Variants in DGCR2 observed in about 807,000 individuals in gnomAD.
The protein encoded by DGCR2 is integral membrane protein DGCR2/IDD.
DGCR2 carries 24 observed loss-of-function variants against 51.6 expected under a neutral mutation model. That is an observed-to-expected ratio of 0.47 (90% CI 0.34 to 0.65). DGCR2 has a LOEUF of 0.65. Ranked by LOEUF, DGCR2 falls within the 30% of genes least tolerant of loss-of-function variation. The pLI is 0.01. For synonymous variants in DGCR2, 340 were observed against 315.4 expected, an observed-to-expected ratio of 1.08 and a Z score of -0.82; for missense variants, 765 against 772.1, an observed-to-expected ratio of 0.99 and a Z score of 0.11.
At chr22:19,075,245 G>A (rs547161608) in intron 2 of DGCR2, among the ~76,000 whole-genome samples, 6 of 152,038 alleles carry the variant, frequency 3.9e-5, no homozygotes, top group East Asian at 3.9e-4. Context: ...GGCTAACACA[G>A]TGAAACCCCA....
chr22:19,103,054 C>G (rs2083220889), intron 1 of DGCR2, among the ~76,000 whole-genome samples: 1 of 151,970 alleles, frequency 6.6e-6, no homozygotes, highest in Non-Finnish European at 1.5e-5. Context: ...TATATCTTAC[C>G]ACAATTTAAA....
chr22:19,068,063 T>C (rs1319803938), intron 3 of DGCR2, 37 bp downstream of exon 3: 2 of 1,515,364 alleles, frequency 1.3e-6, no homozygotes, highest in Non-Finnish European at 1.8e-6. Flanking sequence ...AGGCTTGCAC[T>C]CCCCAGTGTC....
In DGCR2 at chr22:19,092,767, A is replaced by T. The variant is rs2083092599; in HGVS notation, c.80-3277T>A. Among the ~76,000 whole-genome samples the T allele has an allele frequency of 3.3e-5, 5 of 152,362 alleles. No homozygotes were observed. In the South Asian group the frequency reaches 1.0e-3, roughly 32 times the overall value. ...TCTAACAAAAGATGTGAAGTCCTGTACACTGAAAAATTTTCAACATTGCTG... is the reference window on the plus strand; with the variant it reads ...TCTAACAAAAGATGTGAAGTCCTGTTCACTGAAAAATTTTCAACATTGCTG... On this transcript the variant is annotated intron_variant, in intron 1 of 9. Coordinates refer to ENST00000263196, the MANE Select transcript of DGCR2 (RefSeq NM_005137.3).
At chr22:19,119,043 G>A (rs910853424) in intron 1 of DGCR2, among the ~76,000 whole-genome samples, 5 of 152,194 alleles carry the variant, frequency 3.3e-5, no homozygotes, top group African/African-American at 1.2e-4. Context: ...AGGGTGAGTG[G>A]TTCTGTCCCT....
At chr22:19,064,199 G>C (rs2082721693) in intron 4 of DGCR2, among the ~76,000 whole-genome samples, 2 of 152,254 alleles carry the variant, frequency 1.3e-5, no homozygotes, top group Non-Finnish European at 2.9e-5. Flanking sequence ...GCCCTATGCT[G>C]TGCAACCACA....
intron 1 of DGCR2, among the ~76,000 whole-genome samples, chr22:19,116,532 G>A (rs1305909832): frequency 6.6e-6 from 1 of 152,134 alleles, no homozygotes; most frequent in Non-Finnish European, 1.5e-5. Flanking sequence ...GGTCTCTCGG[G>A]ATTACCGAGC....
chr22:19,090,230 C>T (rs1190389218), intron 1 of DGCR2, among the ~76,000 whole-genome samples: 1 of 152,152 alleles, frequency 6.6e-6, no homozygotes, highest in Non-Finnish European at 1.5e-5. Flanking sequence ...AACAACCTCA[C>T]ACACCCTAAT....
At chr22:19,106,459 G>A (rs2083262288) in intron 1 of DGCR2, among the ~76,000 whole-genome samples, 1 of 152,134 alleles carries the variant, frequency 6.6e-6, no homozygotes, top group Non-Finnish European at 1.5e-5. Flanking sequence ...GGAGGCCTGA[G>A]CATCCTCTGT....
intron 1 of DGCR2, among the ~76,000 whole-genome samples, chr22:19,105,953 T>C (rs1015874829): frequency 4.6e-5 from 7 of 152,036 alleles, no homozygotes; most frequent in Admixed American, 2.6e-4. Context: ...AGCTCTCCCC[T>C]GAAGCCCGTC....
At chr22:19,066,891 C>A (rs1250650711) in intron 3 of DGCR2, among the ~76,000 whole-genome samples, 1 of 152,238 alleles carries the variant, frequency 6.6e-6, no homozygotes, top group Non-Finnish European at 1.5e-5. Flanking sequence ...CTGTGAACTG[C>A]CCCTTCCCTA....
intron 6 of DGCR2, among the ~76,000 whole-genome samples, chr22:19,050,650 G>C (rs1037463278): frequency 2.6e-5 from 4 of 152,164 alleles, no homozygotes; most frequent in African/African-American, 9.7e-5. Context: ...TGTAGTATTG[G>C]GTCTATGACA....
intron 5 of DGCR2, among the ~76,000 whole-genome samples, chr22:19,062,779 A>ATTCATTCTCTCTCTCTCTCT: frequency 3.7e-4 from 47 of 127,448 alleles, no homozygotes; most frequent in Non-Finnish European, 5.6e-4. Context: ...ATGCATGCTC[A>ATTCATTCTCTCTCTCTCTCT]CTCTCTCTCT....
intron 9 of DGCR2, 115 bp from the exon 10 acceptor site, chr22:19,039,236 G>T: frequency 7.2e-7 from 1 of 1,391,828 alleles, no homozygotes; most frequent in Non-Finnish European, 9.8e-7. Flanking sequence ...CCCTGAAGCT[G>T]GGTGGTGAGC....
chr22:19,052,379 G>A (rs2082557351), intron 6 of DGCR2, among the ~76,000 whole-genome samples: 1 of 151,532 alleles, frequency 6.6e-6, no homozygotes. Flanking sequence ...CTGTGCCACT[G>A]CACTCCAGCC....
In DGCR2 at chr22:19,041,110, C is replaced by T. The variant is rs1189546798; in HGVS notation, c.1344G>A (p.Pro448=). 6.2e-6 allele frequency: 10 copies of T among 1,613,116 alleles called. No individual in the cohort carries two copies. Among genetic ancestry groups the T allele is most frequent in the African/African-American group, 2.7e-5 (2 of 74,910 alleles). The part of the protein sequence containing the change: ...YPDIGQPDDP[P]PPYEASIHPD... ...GGTGGATGGAGGCCTCGTAGGGCGG[C>T]GGAGGGTCGTCGGGCTGGCCGATGT... The change falls in exon 9 of 10, where the codon CCG becomes CCA. Residue 448 remains proline, a synonymous_variant. Coordinates refer to ENST00000263196, the MANE Select transcript of DGCR2 (RefSeq NM_005137.3).
chr22:19,105,981 C>A (rs974427348), intron 1 of DGCR2, among the ~76,000 whole-genome samples: 1 of 152,114 alleles, frequency 6.6e-6, no homozygotes, highest in African/African-American at 2.4e-5. Context: ...TTCCCCATCG[C>A]TGCCACTGCC....
chr22:19,082,062 TTG>T (rs796346980), intron 2 of DGCR2, among the ~76,000 whole-genome samples: 15,252 of 146,548 alleles, frequency 0.1, 833 homozygotes, highest in South Asian at 0.23. Context: ...GGGGTTTTTT[TTG>T]TTTTTTTTTT....
At chr22:19,071,315 T>C (rs982970882) in intron 2 of DGCR2, among the ~76,000 whole-genome samples, 2 of 152,218 alleles carry the variant, frequency 1.3e-5, no homozygotes, top group African/African-American at 2.4e-5. Flanking sequence ...TCAGGGAGAA[T>C]ACCTAGAATA....
chr22:19,050,390 AAAATAAACTTTCCCAGAC>A (rs1243278077), intron 6 of DGCR2, among the ~76,000 whole-genome samples: 1 of 152,262 alleles, frequency 6.6e-6, no homozygotes, highest in Non-Finnish European at 1.5e-5. Context: ...AAATGAAAGT[AAAATAAACTTTCCCAGAC>A]AAACAACAAG....
Sources: allele counts gnomAD v4.1 joint callset (sites outside exome capture counted in the v4.1 genomes callset), GRCh38; gene constraint gnomAD v4.1.1; transcripts MANE v1.5; gene names NCBI Gene and HGNC (gene_info 2026-07-23, HGNC 2026-07-21).